The following BICD1 variants were observed in gnomAD, a reference collection of about 807,000 sequenced individuals.
BICD1 encodes protein bicaudal D homolog 1.
In BICD1, 35 loss-of-function variants were observed where a neutral mutation model predicts 92.5. That is an observed-to-expected ratio of 0.38 (90% CI 0.29 to 0.50). BICD1 has a LOEUF of 0.50. Among genes scored for constraint, BICD1 ranks in the 20% least tolerant of loss-of-function variants. BICD1 has a pLI of 0.93. For missense variants in BICD1, 950 were observed against 1,189.8 expected (o/e 0.80, Z 2.97); for synonymous variants, 429 against 465.1 (o/e 0.92, Z 1.00).
chr12:32,111,604 T>G, intron 1 of BICD1, among the ~76,000 whole-genome samples: 1 of 152,048 alleles, frequency 6.6e-6, no homozygotes, highest in Non-Finnish European at 1.5e-5. Flanking sequence ...TTTTATTTTT[T>G]TATTTTATTT....
chr12:32,314,031 T>C (rs531242848), intron 4 of BICD1, among the ~76,000 whole-genome samples: 1 of 152,322 alleles, frequency 6.6e-6, no homozygotes, highest in East Asian at 1.9e-4. Flanking sequence ...GTGTGGTCTT[T>C]TGTGACTGGC....
chr12:32,239,246 C>CAA (rs528710775), intron 2 of BICD1, among the ~76,000 whole-genome samples: 2 of 99,280 alleles, frequency 2.0e-5, no homozygotes, highest in Non-Finnish European at 4.2e-5. Flanking sequence ...GACTCCGTCT[C>CAA]AAAAAAAAAA....
chr12:32,182,789 C>T (rs1324975629), intron 1 of BICD1, among the ~76,000 whole-genome samples: 2 of 150,836 alleles, frequency 1.3e-5, no homozygotes, highest in Non-Finnish European at 3.0e-5. Context: ...AAATTAAAAG[C>T]ATTGTTACAA....
At chr12:32,258,196 T>A (rs1287625382) in intron 2 of BICD1, among the ~76,000 whole-genome samples, 1 of 152,240 alleles carries the variant, frequency 6.6e-6, no homozygotes, top group African/African-American at 2.4e-5. Flanking sequence ...TATTTTTTCA[T>A]TTCAATACTT....
chr12:32,121,772 G>T (rs925192646), intron 1 of BICD1, among the ~76,000 whole-genome samples: 3 of 150,644 alleles, frequency 2.0e-5, no homozygotes, highest in Admixed American at 2.0e-4. Context: ...TACGGTTAAT[G>T]ATATAGTGAT....
At chr12:32,353,583 A>G (rs1298957420) in intron 8 of BICD1, 1 of 152,078 alleles carries the variant, frequency 6.6e-6, no homozygotes, top group African/African-American at 2.4e-5. Context: ...TTAATGATTA[A>G]AAAAAATGAA....
intron 1 of BICD1, among the ~76,000 whole-genome samples, chr12:32,120,670 G>C (rs1942108396): frequency 6.6e-6 from 1 of 152,144 alleles, no homozygotes; most frequent in Non-Finnish European, 1.5e-5. Flanking sequence ...GATGGAAACA[G>C]CATGAGTTTA....
intron 3 of BICD1, among the ~76,000 whole-genome samples, chr12:32,297,923 T>C (rs1947919114): frequency 6.6e-6 from 1 of 152,142 alleles, no homozygotes; most frequent in Non-Finnish European, 1.5e-5. Flanking sequence ...CGGTGGCTCA[T>C]GCCTGTAATC....
chr12:32,178,466 C>T lies in BICD1; in HGVS notation c.214-37781C>T, dbSNP rs549310641. On this transcript the variant is annotated intron_variant, in intron 1 of 9. Transcript: ENST00000652176. ...CCTACCTTTTGCAGCTGAACAGGCT[C>T]GGCCCCAGTTCTTGCTGGGTTCTAA... Among the ~76,000 whole-genome samples, 98 of 152,026 alleles carry T rather than the reference C, an allele frequency of 6.4e-4. 1 individual carries two copies. Among genetic ancestry groups the T allele is most frequent in the Non-Finnish European group, 1.3e-3 (85 of 67,920 alleles).
At chr12:32,170,452 C>T (rs923128477) in intron 1 of BICD1, among the ~76,000 whole-genome samples, 2 of 152,196 alleles carry the variant, frequency 1.3e-5, no homozygotes, top group Non-Finnish European at 2.9e-5. Flanking sequence ...TATAAAAAGA[C>T]CTGATTCCTC....
chr12:32,339,916 G>A (rs1938296216), intron 8 of BICD1: 5 of 858,240 alleles, frequency 5.8e-6, no homozygotes, highest in Middle Eastern at 5.9e-4. Flanking sequence ...CTAGGTCTGC[G>A]TTCACGCATG....
intron 2 of BICD1, among the ~76,000 whole-genome samples, chr12:32,259,140 C>T (rs1014272942): frequency 6.6e-6 from 1 of 152,140 alleles, no homozygotes; most frequent in Non-Finnish European, 1.5e-5. Context: ...TCACAATGTC[C>T]CTTCAGCACC....
At chr12:32,262,582 T>A (rs1215549458) in intron 2 of BICD1, among the ~76,000 whole-genome samples, 1 of 152,174 alleles carries the variant, frequency 6.6e-6, no homozygotes, top group Non-Finnish European at 1.5e-5. Flanking sequence ...TCTTTGCCAA[T>A]GTAATTAAGA....
intron 4 of BICD1, among the ~76,000 whole-genome samples, chr12:32,326,080 CAAAA>C (rs372956491): frequency 2.9e-4 from 19 of 66,462 alleles, no homozygotes; most frequent in African/African-American, 1.2e-3. Context: ...GACTCCATCT[CAAAA>C]AAAAAAAAAA....
At chr12:32,311,227 G>A (rs1392133061) in intron 4 of BICD1, among the ~76,000 whole-genome samples, 1 of 152,216 alleles carries the variant, frequency 6.6e-6, no homozygotes, top group Non-Finnish European at 1.5e-5. Flanking sequence ...GCCGGGTGCG[G>A]TGGCTCACGC....
chr12:32,199,352 G>A (rs1944834806), intron 1 of BICD1, among the ~76,000 whole-genome samples: 1 of 152,134 alleles, frequency 6.6e-6, no homozygotes, highest in African/African-American at 2.4e-5. Flanking sequence ...TTCTCACATT[G>A]TTTTCTCCCA....
intron 1 of BICD1, among the ~76,000 whole-genome samples, chr12:32,177,595 GT>G (rs1363798924): frequency 6.8e-6 from 1 of 147,846 alleles, no homozygotes; most frequent in Non-Finnish European, 1.5e-5. Context: ...GCTAACCATG[GT>G]TTCGTGGCTG....
At position 32,328,355 on chromosome 12, in the gene BICD1, G is replaced by A; in HGVS notation, c.1900G>A (p.Asp634Asn). 1 of 1,614,162 alleles carries A rather than the reference G, an allele frequency of 6.2e-7. No homozygotes were observed. The highest frequency in any genetic ancestry group is 8.5e-7 in the Non-Finnish European group (1 of 1,180,026). ...NIYNLNAIIR[D>N]QIKHLQKAVD... ...CTACAACCTTAATGCCATAATCCGG[G>A]ACCAAATCAAGCATCTGCAGAAAGC... The change falls in exon 5 of 10, where the codon GAC becomes AAC. Residue 634 changes from aspartate (D) to asparagine (N), a missense_variant. Around this residue, in one of 5 missense-constraint regions of BICD1, gnomAD observed 309 missense variants for 499.4 expected, o/e 0.62. Coordinates refer to ENST00000652176, the MANE Select transcript of BICD1 (RefSeq NM_001714.4). The surrounding 1 kb of genome is among the most constrained non-coding windows in gnomAD (Gnocchi z 4.4).
At position 32,338,780 on chromosome 12, in the gene BICD1, T is replaced by A; in HGVS notation, c.2571-6T>A. ...CTATATGTATTTTTCTTGGATCTCC[T>A]GCAAGACAATTTTCACCTTCCCTTT... On this transcript the variant is annotated splice_polypyrimidine_tract_variant and splice_region_variant and intron_variant, in intron 7 of 9. Coordinates refer to ENST00000652176, the MANE Select transcript of BICD1 (RefSeq NM_001714.4). The A allele has an allele frequency of 6.4e-7, 1 of 1,569,988 alleles. No homozygotes were observed. Among genetic ancestry groups the A allele is most frequent in the South Asian group, 1.2e-5 (1 of 82,712 alleles).
Sources: gnomAD v4.1 joint callset for allele counts (sites outside exome capture counted in the v4.1 genomes callset) on GRCh38, gnomAD v4.1.1 for gene constraint, gnomAD v4.1.1 regional missense constraint, Gnocchi (gnomAD v3.1) non-coding constraint, MANE v1.5 for transcripts, NCBI Gene and HGNC (gene_info 2026-07-23, HGNC 2026-07-21) for gene names.